The following CDCP1 variants were observed in gnomAD, a reference collection of about 807,000 sequenced individuals.
The protein encoded by CDCP1 is CUB domain containing protein 1, also known as CUB domain-containing protein 1.
Under a neutral mutation model 60.2 loss-of-function variants are expected in CDCP1, and 29 were observed. The observed-to-expected ratio is 0.48, with a 90% CI of 0.36 to 0.66. CDCP1 has a LOEUF of 0.66. CDCP1 is among the 30% of genes least tolerant of loss of function. The probability of loss-of-function intolerance (pLI) is 0.00; values close to 1 mark genes in which losing one functional copy is unlikely to be tolerated. For synonymous variants in CDCP1, 387 were observed against 431.1 expected (o/e 0.90, Z 1.27); for missense variants, 876 against 1,074.3 (o/e 0.82, Z 2.58).
chr3:45,101,529 C>T (rs1044508179), intron 4 of CDCP1, among the ~76,000 whole-genome samples: 1 of 152,134 alleles, frequency 6.6e-6, no homozygotes, highest in Non-Finnish European at 1.5e-5. Flanking sequence ...AAAACTCTGC[C>T]AACTGCCATC....
At chr3:45,141,772 T>C (rs1699294545) in intron 1 of CDCP1, among the ~76,000 whole-genome samples, 1 of 152,182 alleles carries the variant, frequency 6.6e-6, no homozygotes, top group South Asian at 2.1e-4. Context: ...TGGGAAGTGG[T>C]TTGAAATAAT....
In CDCP1 at chr3:45,085,763, G is replaced by C. The variant is rs371469220; in HGVS notation, c.2386C>G (p.Arg796Gly). The change falls in exon 9 of 9, where the codon CGC becomes GGC. Residue 796 changes from arginine (R) to glycine (G), a missense_variant. Arg to Gly is a moderately radical substitution (Grantham distance 125). Coordinates refer to ENST00000296129, the MANE Select transcript of CDCP1 (RefSeq NM_022842.5). The surrounding 1 kb of genome is among the most constrained non-coding windows in gnomAD (Gnocchi z 4.2). The stretch of plus-strand genomic sequence containing the variant: ...TCACTCTCAGACTCAGGAGGGGAGC[G>C]AGGAGGTGGCTCCTCAGTGGCCAAC... ...AKLATEEPPP[R>G]SPPESESEPY... is the part of the protein sequence containing the mutation. 2.5e-6 allele frequency: 4 copies of C among 1,614,056 alleles called. No homozygotes were observed. The African/African-American group carries it at 4.0e-5, about 16-fold the overall frequency.
chr3:45,094,670 G>A (rs1473803563), intron 5 of CDCP1, among the ~76,000 whole-genome samples: 1 of 144,230 alleles, frequency 6.9e-6, no homozygotes, highest in African/African-American at 2.5e-5. Flanking sequence ...AGTCTTGTGT[G>A]AGAGAAGACA....
intron 4 of CDCP1, among the ~76,000 whole-genome samples, chr3:45,097,154 A>G (rs1029734861): frequency 6.6e-6 from 1 of 152,004 alleles, no homozygotes; most frequent in Non-Finnish European, 1.5e-5. Context: ...CTAAAATACA[A>G]AAATTAGCTG....
intron 4 of CDCP1, among the ~76,000 whole-genome samples, chr3:45,101,632 A>G (rs891447373): frequency 6.6e-6 from 1 of 152,156 alleles, no homozygotes; most frequent in African/African-American, 2.4e-5. Context: ...CATGTCTGTA[A>G]TCCCAGCACT....
intron 1 of CDCP1, chr3:45,139,411 T>C (rs1282247277): frequency 1.3e-5 from 2 of 152,220 alleles, no homozygotes; most frequent in Non-Finnish European, 1.5e-5. Flanking sequence ...CCAGAGCTTG[T>C]CTGAATGAGG....
At chr3:45,117,864 T>C (rs1698820261) in intron 2 of CDCP1, among the ~76,000 whole-genome samples, 1 of 152,186 alleles carries the variant, frequency 6.6e-6, no homozygotes, top group Non-Finnish European at 1.5e-5. Flanking sequence ...GGTTTCACTG[T>C]GTTGGCCAGG....
intron 4 of CDCP1, among the ~76,000 whole-genome samples, chr3:45,100,724 C>G (rs2125993087): frequency 6.6e-6 from 1 of 152,184 alleles, no homozygotes; most frequent in East Asian, 1.9e-4. Flanking sequence ...TCTAAGAAAA[C>G]CCATTATAGT....
chr3:45,113,870 T>A (rs1158951368), intron 2 of CDCP1, among the ~76,000 whole-genome samples: 1 of 152,236 alleles, frequency 6.6e-6, no homozygotes, highest in Non-Finnish European at 1.5e-5. Context: ...GAAACTTCAA[T>A]GTTTATATCA....
chr3:45,122,145 T>A (rs1456996325), intron 1 of CDCP1, among the ~76,000 whole-genome samples: 13 of 39,064 alleles, frequency 3.3e-4, no homozygotes, highest in Admixed American at 2.9e-3. Flanking sequence ...ATAATCTGTA[T>A]TTTTTTTTTT....
At chr3:45,111,393 C>G (rs1559393784) in intron 3 of CDCP1, among the ~76,000 whole-genome samples, 1 of 152,182 alleles carries the variant, frequency 6.6e-6, no homozygotes, top group Non-Finnish European at 1.5e-5. Context: ...AGTCAGCTCT[C>G]TGCCAGGTGC....
At chr3:45,107,639 C>G (rs1198681489) in intron 4 of CDCP1, among the ~76,000 whole-genome samples, 1 of 152,180 alleles carries the variant, frequency 6.6e-6, no homozygotes, top group African/African-American at 2.4e-5. Flanking sequence ...TGAGGACAGT[C>G]TTACCACTTC....
intron 1 of CDCP1, among the ~76,000 whole-genome samples, chr3:45,134,413 C>T (rs1169141524): frequency 2.0e-5 from 3 of 152,182 alleles, no homozygotes; most frequent in African/African-American, 4.8e-5. Context: ...CGCGGGCCAC[C>T]GCGCCCGGCC....
intron 1 of CDCP1, 72 bp downstream of exon 1, chr3:45,146,134 A>C: frequency 7.3e-7 from 1 of 1,365,950 alleles, no homozygotes; most frequent in Non-Finnish European, 1.0e-6. Flanking sequence ...CCTCGGCCGC[A>C]TCTCCGCCGG....
chr3:45,105,907 G>A (rs1698556942), intron 4 of CDCP1, among the ~76,000 whole-genome samples: 1 of 152,186 alleles, frequency 6.6e-6, no homozygotes, highest in African/African-American at 2.4e-5. Flanking sequence ...GTGTGGTAGA[G>A]GTGAACATGA....
chr3:45,126,108 C>CTCTTTCTTTCCTTCTTTCTT (rs1553610966), intron 1 of CDCP1, among the ~76,000 whole-genome samples: 4,135 of 110,054 alleles, frequency 0.038, 270 homozygotes, highest in Admixed American at 0.04. Flanking sequence ...TTGTCTCTCT[C>CTCTTTCTTTCCTTCTTTCTT]TCTTTCTTTC....
At chr3:45,118,248 A>G (rs1035903895) in intron 2 of CDCP1, among the ~76,000 whole-genome samples, 164 bp downstream of exon 2, 7 of 152,250 alleles carry the variant, frequency 4.6e-5, no homozygotes, top group Non-Finnish European at 8.8e-5. Context: ...TAACGCATTT[A>G]GAACTCTAAC....
intron 5 of CDCP1, among the ~76,000 whole-genome samples, chr3:45,094,578 G>A (rs1022806406): frequency 6.6e-6 from 1 of 152,046 alleles, no homozygotes; most frequent in African/African-American, 2.4e-5. Context: ...CATTTTTCAA[G>A]TGACTAGTGC....
At chr3:45,146,150 C>G in intron 1 of CDCP1, 56 bp downstream of exon 1, 11 of 1,484,878 alleles carry the variant, frequency 7.4e-6, no homozygotes, top group Non-Finnish European at 1.0e-5. Flanking sequence ...GCCGGGCGTC[C>G]GCTGGCTGGC....
Sources: gnomAD v4.1 joint callset for allele counts (sites outside exome capture counted in the v4.1 genomes callset) on GRCh38, gnomAD v4.1.1 for gene constraint, Gnocchi (gnomAD v3.1) non-coding constraint, MANE v1.5 for transcripts, NCBI Gene and HGNC (gene_info 2026-07-23, HGNC 2026-07-21) for gene names.